Variants in SLIT3 observed in about 807,000 individuals in gnomAD.
The protein encoded by SLIT3 is slit guidance ligand 3, also known as slit homolog 3 protein.
Under a neutral mutation model 184.0 loss-of-function variants are expected in SLIT3, and 68 were observed. The ratio of observed to expected loss-of-function variants is 0.37; its 90% confidence interval spans 0.30 to 0.45. SLIT3 has a LOEUF of 0.45. Among genes scored for constraint, SLIT3 ranks in the 20% least tolerant of loss-of-function variants. The pLI is 1.00. For missense variants in SLIT3, 1,707 were observed against 2,026.0 expected, an observed-to-expected ratio of 0.84 and a Z score of 3.02; for synonymous variants, 831 against 828.6, an observed-to-expected ratio of 1.00 and a Z score of -0.05.
At chr5:169,264,884 G>C (rs1010934181) in intron 1 of SLIT3, among the ~76,000 whole-genome samples, 1 of 152,212 alleles carries the variant, frequency 6.6e-6, no homozygotes, top group Non-Finnish European at 1.5e-5. Flanking sequence ...TACCTCAGTT[G>C]TTTGGGAACT....
chr5:169,036,261 T>C (rs914205302), intron 4 of SLIT3: 1 of 152,170 alleles, frequency 6.6e-6, no homozygotes, highest in African/African-American at 2.4e-5. Flanking sequence ...CTTCGTGGGA[T>C]CCAGTTACAC....
In SLIT3 at chr5:168,817,478, G is replaced by C. The variant is rs1757372009; in HGVS notation, c.630-15C>G. On this transcript the variant is annotated splice_polypyrimidine_tract_variant and intron_variant, in intron 7 of 35. Coordinates refer to ENST00000519560, the MANE Select transcript of SLIT3 (RefSeq NM_003062.4). ...AGTGGAGGCGCCTGGGAGAGGGCGG[G>C]ACAGAGAGAAGGCATGGTCACAGGT... is the stretch of plus-strand genomic sequence containing the variant. The C allele has an allele frequency of 1.9e-6, 3 of 1,604,062 alleles. No individual in the cohort carries two copies. Among genetic ancestry groups the C allele is most frequent in the Non-Finnish European group, 2.5e-6 (3 of 1,177,486 alleles).
chr5:168,962,859 C>T (rs1251284857), intron 4 of SLIT3, among the ~76,000 whole-genome samples: 1 of 152,190 alleles, frequency 6.6e-6, no homozygotes, highest in Admixed American at 6.5e-5. Flanking sequence ...CTCCTTCCCA[C>T]TCTTCACACT....
At chr5:169,216,083 C>T (rs542059144) in intron 3 of SLIT3, among the ~76,000 whole-genome samples, 2 of 152,290 alleles carry the variant, frequency 1.3e-5, no homozygotes, top group East Asian at 3.9e-4. Context: ...TCCTCTTTTC[C>T]TAGAGACCCT....
At chr5:169,040,839 T>C (rs1029614072) in intron 4 of SLIT3, among the ~76,000 whole-genome samples, 4 of 152,236 alleles carry the variant, frequency 2.6e-5, no homozygotes, top group Admixed American at 1.3e-4. Flanking sequence ...CATCGGCCCA[T>C]TGCCGATTGG....
intron 4 of SLIT3, among the ~76,000 whole-genome samples, chr5:169,181,740 C>CAAAA (rs11452806): frequency 7.1e-6 from 1 of 141,470 alleles, no homozygotes; most frequent in African/African-American, 2.7e-5. Flanking sequence ...GACTTCATCT[C>CAAAA]AAAAAAAAAA....
At chr5:169,014,787 C>T (rs1756299610) in intron 4 of SLIT3, among the ~76,000 whole-genome samples, 2 of 152,114 alleles carry the variant, frequency 1.3e-5, no homozygotes, top group Admixed American at 1.3e-4. Context: ...CCTGTCTCTA[C>T]TAAAAATACA....
rs1764477048 is a variant in SLIT3 at position 169,217,441 on chromosome 5, G to T, written c.342-23891C>A. ...GCTCGACTTTGTGGCTGAGGGATTG[G>T]GACCCCAGTGTTGGATGACTGGGTT... On this transcript the variant is annotated intron_variant, in intron 3 of 35. Transcript: ENST00000519560. 3.3e-5 allele frequency among the ~76,000 whole-genome samples: 5 copies of T among 152,242 alleles called. No homozygotes were observed. In the South Asian group the frequency reaches 1.0e-3, roughly 32 times the overall value.
intron 6 of SLIT3, among the ~76,000 whole-genome samples, chr5:168,840,418 CT>C (rs368875819): frequency 1.8e-4 from 26 of 147,838 alleles, no homozygotes; most frequent in East Asian, 4.0e-4. Context: ...CTTGTCCCTA[CT>C]TTTTTTTTTC....
Position 168,890,826 on chromosome 5 carries a change from A to C in SLIT3, c.414-7490T>G, listed in dbSNP as rs190503729. On this transcript the variant is annotated intron_variant, in intron 4 of 35. Coordinates refer to ENST00000519560, the MANE Select transcript of SLIT3 (RefSeq NM_003062.4). The stretch of plus-strand genomic sequence containing the variant: ...TTTCCATAATAAAAAAAGCATGCAG[A>C]TTCCTGGGGTCCATCCCAAACCTAC... Among the ~76,000 whole-genome samples, 382 of 152,346 alleles carry C rather than the reference A, an allele frequency of 2.5e-3. 2 individuals are homozygous for C. Among genetic ancestry groups the C allele is most frequent in the African/African-American group, 8.8e-3 (364 of 41,580 alleles).
chr5:168,973,878 A>G (rs1290712557), intron 4 of SLIT3, among the ~76,000 whole-genome samples: 3 of 152,240 alleles, frequency 2.0e-5, no homozygotes, highest in Non-Finnish European at 4.4e-5. Context: ...GGATATGCTT[A>G]ACACTTTGTA....
chr5:169,125,564 C>G (rs548271274), intron 4 of SLIT3, among the ~76,000 whole-genome samples: 5 of 152,180 alleles, frequency 3.3e-5, no homozygotes, highest in Admixed American at 6.5e-5. Context: ...ACTGGTCACT[C>G]GGCCTTCACC....
intron 20 of SLIT3, among the ~76,000 whole-genome samples, chr5:168,736,885 G>A (rs532227040): frequency 3.3e-5 from 5 of 152,354 alleles, no homozygotes; most frequent in African/African-American, 1.2e-4. Flanking sequence ...TATTGGCAGT[G>A]TGATCGTCAA....
intron 4 of SLIT3, among the ~76,000 whole-genome samples, chr5:169,042,356 A>C (rs1394784991): frequency 6.6e-6 from 1 of 152,224 alleles, no homozygotes; most frequent in Non-Finnish European, 1.5e-5. Flanking sequence ...TGTTCTATAT[A>C]ACAAAAAGTC....
At chr5:168,803,124 G>T (rs1451504093) in intron 9 of SLIT3, among the ~76,000 whole-genome samples, 1 of 152,078 alleles carries the variant, frequency 6.6e-6, no homozygotes. Flanking sequence ...TGCCAATTAT[G>T]GCAATCTGTG....
At chr5:169,159,150 C>T (rs183562696) in intron 4 of SLIT3, among the ~76,000 whole-genome samples, 57 of 151,060 alleles carry the variant, frequency 3.8e-4, no homozygotes, top group African/African-American at 1.0e-3. Context: ...TTTGGGAGGC[C>T]GAGGTGGGCA....
At chr5:168,768,351 G>A (rs11134527) in intron 14 of SLIT3, 138,553 of 459,298 alleles carry the variant, frequency 0.3, 23,653 homozygotes, top group East Asian at 0.57. Context: ...CCCACTGAGC[G>A]TGATTAGTAT....
Position 168,851,322 on chromosome 5 carries a change from C to CAAAAAA in SLIT3, c.486-6673_486-6668dup, listed in dbSNP as rs531233116. Among the ~76,000 whole-genome samples the CAAAAAA allele has an allele frequency of 8.2e-3, 633 of 77,102 alleles. 15 individuals carry two copies. The highest frequency in any genetic ancestry group is 0.013 in the Non-Finnish European group (498 of 38,084). 50.6% of individuals were successfully genotyped at this position (77,102 alleles called of 152,430 possible). A position where few individuals can be genotyped will look rare whatever the true frequency, so the allele number is the denominator to read the frequency against. On this transcript the variant is annotated intron_variant, in intron 5 of 35. Coordinates refer to ENST00000519560, the MANE Select transcript of SLIT3 (RefSeq NM_003062.4). The stretch of plus-strand genomic sequence containing the variant: ...TGGGCGACAGAGTGAGACTCCGTCT[C>CAAAAAA]AAAAAAAAAAAAAAAAAGATAGTTA...
intron 5 of SLIT3, among the ~76,000 whole-genome samples, chr5:168,845,000 T>A (rs1758407234): frequency 6.6e-6 from 1 of 151,012 alleles, no homozygotes; most frequent in Admixed American, 6.6e-5. Flanking sequence ...AACAATTTCA[T>A]TAAGCTAAAG....
Sources: gnomAD v4.1 joint callset for allele counts (sites outside exome capture counted in the v4.1 genomes callset) on GRCh38, gnomAD v4.1.1 for gene constraint, MANE v1.5 for transcripts, NCBI Gene and HGNC (gene_info 2026-07-23, HGNC 2026-07-21) for gene names.